The following GALNT10 variants were observed in gnomAD, a reference collection of about 807,000 sequenced individuals.
The protein encoded by GALNT10 is GalNAc transferase 10.
Under a neutral mutation model 75.0 loss-of-function variants are expected in GALNT10, and 41 were observed. The observed-to-expected ratio is 0.55, with a 90% CI of 0.43 to 0.71. The LOEUF is 0.71. Among genes scored for constraint, GALNT10 ranks in the 30% least tolerant of loss-of-function variants. GALNT10 has a pLI of 0.00. For synonymous variants in GALNT10, 302 were observed against 313.0 expected, an observed-to-expected ratio of 0.96 and a Z score of 0.37; for missense variants, 727 against 818.5, an observed-to-expected ratio of 0.89 and a Z score of 1.36.
At position 154,412,667 on chromosome 5, in the gene GALNT10, T is replaced by C. The variant is rs1756422670; in HGVS notation, c.1387-222T>C. On this transcript the variant is annotated intron_variant, in intron 9 of 11. Transcript: ENST00000297107. The surrounding 1 kb of genome is among the most constrained non-coding windows in gnomAD (Gnocchi z 4.2). ...ACCCAGGACTCTGCATACTCTACAATACTACTTACAGCAGTGCTTTAAGGA... is the reference window on the plus strand; with the variant it reads ...ACCCAGGACTCTGCATACTCTACAACACTACTTACAGCAGTGCTTTAAGGA... The C allele has an allele frequency of 4.3e-6, 2 of 464,610 alleles. No individual in the cohort carries two copies. The highest frequency in any genetic ancestry group is 8.0e-6 in the Non-Finnish European group (2 of 250,094). 28.8% of individuals were successfully genotyped at this position (464,610 alleles called of 1,614,324 possible). A position where few individuals can be genotyped will look rare whatever the true frequency, so the allele number is the denominator to read the frequency against.
At chr5:154,228,803 A>G (rs1197357411) in intron 1 of GALNT10, among the ~76,000 whole-genome samples, 1 of 152,234 alleles carries the variant, frequency 6.6e-6, no homozygotes, top group Non-Finnish European at 1.5e-5. Context: ...ATCCACATTC[A>G]AGTTAACCTG....
At chr5:154,392,366 G>A (rs764722770) in intron 7 of GALNT10, 4 of 152,146 alleles carry the variant, frequency 2.6e-5, no homozygotes, top group African/African-American at 9.7e-5. Context: ...GTAAGTGTTA[G>A]TGTGTTAGTG....
chr5:154,409,073 G>A lies in GALNT10; in HGVS notation c.1165-468G>A, dbSNP rs1189900797. Among the ~76,000 whole-genome samples, 1 of 152,162 alleles carries A rather than the reference G, an allele frequency of 6.6e-6. No homozygotes were observed. The highest frequency in any genetic ancestry group is 1.9e-4 in the East Asian group (1 of 5,180). On this transcript the variant is annotated intron_variant, in intron 8 of 11. Coordinates refer to ENST00000297107, the MANE Select transcript of GALNT10 (RefSeq NM_198321.4). This position sits in a 1 kb window ranked among gnomAD's most constrained non-coding sequence, Gnocchi z 4.5. ...CCAGCAATCCAAGCAGAAACAGAAC[G>A]ATTCTTCCAATAGTTCCTGCAAAAA...
intron 1 of GALNT10, among the ~76,000 whole-genome samples, chr5:154,293,613 A>ATTTTTTTTT (rs1201863629): frequency 9.1e-6 from 1 of 109,380 alleles, no homozygotes; most frequent in African/African-American, 4.2e-5. Context: ...ATATATATAT[A>ATTTTTTTTT]TTTTTTTTTT....
intron 1 of GALNT10, chr5:154,220,303 A>T (rs1752959854): frequency 6.6e-6 from 1 of 152,180 alleles, no homozygotes; most frequent in Admixed American, 6.5e-5. Context: ...CCTCCCTTTG[A>T]AGCCCGCCAG....
chr5:154,303,055 A>G (rs955214991), intron 3 of GALNT10, among the ~76,000 whole-genome samples: 4 of 152,168 alleles, frequency 2.6e-5, no homozygotes, highest in Non-Finnish European at 5.9e-5. Flanking sequence ...ATAAAATCAC[A>G]TTTGGGCCAA....
At chr5:154,275,347 T>G (rs1221461311) in intron 1 of GALNT10, among the ~76,000 whole-genome samples, 1 of 152,210 alleles carries the variant, frequency 6.6e-6, no homozygotes, top group Non-Finnish European at 1.5e-5. Flanking sequence ...TCAGAAACTT[T>G]TGTTGTAGTT....
At chr5:154,307,680 G>C (rs2113090933) in intron 3 of GALNT10, among the ~76,000 whole-genome samples, 1 of 151,194 alleles carries the variant, frequency 6.6e-6, no homozygotes, top group East Asian at 1.9e-4. Flanking sequence ...AAAGAGGACG[G>C]GGTACTTTCC....
At chr5:154,410,982 G>GC (rs1170662341) in intron 9 of GALNT10, among the ~76,000 whole-genome samples, 1 of 152,216 alleles carries the variant, frequency 6.6e-6, no homozygotes, top group Non-Finnish European at 1.5e-5. Flanking sequence ...GGCCCGTGAG[G>GC]CCCATGCTGG....
intron 1 of GALNT10, among the ~76,000 whole-genome samples, chr5:154,291,143 G>T (rs1300579530): frequency 1.3e-5 from 2 of 152,192 alleles, no homozygotes; most frequent in Admixed American, 1.3e-4. Flanking sequence ...AATGCCATCA[G>T]TTCAGCAATC....
At chr5:154,318,077 G>A (rs1165606448) in intron 3 of GALNT10, among the ~76,000 whole-genome samples, 3 of 152,246 alleles carry the variant, frequency 2.0e-5, no homozygotes, top group Non-Finnish European at 4.4e-5. Context: ...GGCTGGAGAG[G>A]TGACATGCTA....
chr5:154,217,991 C>T, intron 1 of GALNT10: 1 of 983,978 alleles, frequency 1.0e-6, no homozygotes, highest in Non-Finnish European at 1.2e-6. Flanking sequence ...GAAAGGGAAT[C>T]ATTCCATGTG....
chr5:154,273,313 G>A (rs1027920844), intron 1 of GALNT10, among the ~76,000 whole-genome samples: 6 of 152,126 alleles, frequency 3.9e-5, no homozygotes, highest in African/African-American at 1.4e-4. Flanking sequence ...TGATTCTGGT[G>A]GTTTCTCCAC....
At position 154,210,906 on chromosome 5, in the gene GALNT10, T is replaced by C. The variant is rs946636829; in HGVS notation, c.159+19881T>C. ...AGAATTTAGGAATAAAGGGTTATCA[T>C]GTCTTCAACTTTCTCACAAATGGCT... On this transcript the variant is annotated intron_variant, in intron 1 of 11. Coordinates refer to ENST00000297107, the MANE Select transcript of GALNT10 (RefSeq NM_198321.4). Among the ~76,000 whole-genome samples, 13 of 152,326 alleles carry C rather than the reference T, an allele frequency of 8.5e-5. No individual in the cohort carries two copies. In the South Asian group the frequency reaches 1.9e-3, roughly 22 times the overall value.
intron 4 of GALNT10, among the ~76,000 whole-genome samples, chr5:154,339,097 G>C (rs1404302385): frequency 6.6e-6 from 1 of 152,234 alleles, no homozygotes; most frequent in Admixed American, 6.5e-5. Context: ...AGTGACTTCT[G>C]TTCCAGATGA....
At chr5:154,293,009 C>G (rs1041416153) in intron 1 of GALNT10, among the ~76,000 whole-genome samples, 1 of 152,136 alleles carries the variant, frequency 6.6e-6, no homozygotes, top group African/African-American at 2.4e-5. Context: ...AGACATCTAG[C>G]ACACCAACTT....
intron 4 of GALNT10, among the ~76,000 whole-genome samples, chr5:154,371,572 A>G (rs531395002): frequency 1.1e-4 from 6 of 55,992 alleles, no homozygotes; most frequent in Non-Finnish European, 3.3e-4. Flanking sequence ...GTACACACAC[A>G]CACACACACA....
At chr5:154,258,431 T>C (rs917860938) in intron 1 of GALNT10, among the ~76,000 whole-genome samples, 2 of 152,186 alleles carry the variant, frequency 1.3e-5, no homozygotes, top group African/African-American at 4.8e-5. Context: ...TATACCTAAA[T>C]CAGTAGACTT....
intron 4 of GALNT10, chr5:154,347,175 G>A (rs200817891): frequency 2.9e-4 from 149 of 512,694 alleles, no homozygotes; most frequent in Non-Finnish European, 5.5e-4. Context: ...ATTGTTGTCT[G>A]GCATTGTCTG....
Sources: allele counts gnomAD v4.1 joint callset (sites outside exome capture counted in the v4.1 genomes callset), GRCh38; gene constraint gnomAD v4.1.1; non-coding constraint Gnocchi (gnomAD v3.1); transcripts MANE v1.5; gene names NCBI Gene and HGNC (gene_info 2026-07-23, HGNC 2026-07-21).